PIBF1: variants seen among roughly 807,000 people sequenced by gnomAD.
PIBF1 encodes progesterone-induced-blocking factor 1.
A neutral mutation model predicts 112.5 loss-of-function variants in PIBF1; 90 were observed. The ratio of observed to expected loss-of-function variants is 0.80; its 90% CI spans 0.67 to 0.95. The LOEUF (loss-of-function observed/expected upper bound fraction) is 0.95. PIBF1 is among the 40% of genes least tolerant of loss of function. The pLI is 0.00. For synonymous variants in PIBF1, 301 were observed against 288.6 expected, an observed-to-expected ratio of 1.04 and a Z score of -0.44; for missense variants, 915 against 852.3, an observed-to-expected ratio of 1.07 and a Z score of -0.92.
At chr13:72,911,144 T>C (rs889644724) in intron 12 of PIBF1, among the ~76,000 whole-genome samples, 1 of 151,896 alleles carries the variant, frequency 6.6e-6, no homozygotes, top group Non-Finnish European at 1.5e-5. Context: ...TGCCTGTGAA[T>C]ACCCACTGCA....
chr13:73,015,450 T>G (rs1172987240), intron 17 of PIBF1, among the ~76,000 whole-genome samples: 1 of 152,212 alleles, frequency 6.6e-6, no homozygotes, highest in African/African-American at 2.4e-5. Context: ...TACTTAGAAA[T>G]TCATAAGATC....
At chr13:72,904,429 A>ATTTTTTT (rs1240090172) in intron 11 of PIBF1, among the ~76,000 whole-genome samples, 3 of 51,082 alleles carry the variant, frequency 5.9e-5, no homozygotes, top group East Asian at 6.8e-4. Context: ...ATATCAAAAT[A>ATTTTTTT]TTTCTTTTTT....
chr13:73,009,403 C>T (rs1566544598), intron 17 of PIBF1, among the ~76,000 whole-genome samples: 2 of 152,288 alleles, frequency 1.3e-5, no homozygotes, highest in Non-Finnish European at 2.9e-5. Flanking sequence ...GCCAAAAGGT[C>T]GAGGCGTGAT....
intron 11 of PIBF1, among the ~76,000 whole-genome samples, chr13:72,896,918 C>T (rs2040303269): frequency 6.6e-6 from 1 of 152,098 alleles, no homozygotes; most frequent in South Asian, 2.1e-4. Context: ...TGCTAGAGAC[C>T]TAGACATCCA....
chr13:72,842,316 T>C (rs1190625042), intron 9 of PIBF1, among the ~76,000 whole-genome samples: 1 of 152,246 alleles, frequency 6.6e-6, no homozygotes, highest in Non-Finnish European at 1.5e-5. Context: ...CATGATGCTC[T>C]TGATGCAGTA....
chr13:72,866,651 A>G (rs150054756), intron 10 of PIBF1, among the ~76,000 whole-genome samples: 1 of 152,150 alleles, frequency 6.6e-6, no homozygotes, highest in Non-Finnish European at 1.5e-5. Flanking sequence ...GTAGTTATAC[A>G]TTTTTAACAG....
chr13:72,965,059 C>CA (rs1393807326), intron 14 of PIBF1, among the ~76,000 whole-genome samples: 9 of 148,892 alleles, frequency 6.0e-5, no homozygotes, highest in East Asian at 1.9e-4. Flanking sequence ...GAGACTGTCT[C>CA]AAAAAAAAGA....
intron 5 of PIBF1, among the ~76,000 whole-genome samples, chr13:72,812,598 C>A (rs374422232): frequency 2.0e-5 from 3 of 151,976 alleles, no homozygotes; most frequent in African/African-American, 7.3e-5. Context: ...GCCTGGCCAA[C>A]ATGGTGAAAC....
At chr13:73,001,703 A>G (rs1338347272) in intron 17 of PIBF1, among the ~76,000 whole-genome samples, 1 of 145,718 alleles carries the variant, frequency 6.9e-6, no homozygotes, top group African/African-American at 2.5e-5. Context: ...AGCTTACTGC[A>G]ACCTCTGCCT....
intron 3 of PIBF1, among the ~76,000 whole-genome samples, chr13:72,794,442 A>G (rs1369956724): frequency 6.6e-6 from 1 of 152,130 alleles, no homozygotes; most frequent in African/African-American, 2.4e-5. Flanking sequence ...TGGGATTGAT[A>G]TAGTAGGGAA....
At chr13:72,881,882 T>A (rs1327077700) in intron 10 of PIBF1, among the ~76,000 whole-genome samples, 1 of 152,000 alleles carries the variant, frequency 6.6e-6, no homozygotes, top group Admixed American at 6.6e-5. Context: ...GTCTACAGAT[T>A]CAATGCAATC....
At chr13:72,844,550 A>C (rs2037747353) in intron 9 of PIBF1, among the ~76,000 whole-genome samples, 1 of 151,770 alleles carries the variant, frequency 6.6e-6, no homozygotes, top group Non-Finnish European at 1.5e-5. Flanking sequence ...ATGTGTTCTC[A>C]TTGTTCAACT....
At chr13:72,870,033 T>G (rs1010504482) in intron 10 of PIBF1, among the ~76,000 whole-genome samples, 1 of 152,222 alleles carries the variant, frequency 6.6e-6, no homozygotes, top group Non-Finnish European at 1.5e-5. Context: ...GAATTTTTAA[T>G]TGCAGATACC....
rs1182471663 is a variant in PIBF1 at position 72,975,146 on chromosome 13, TC to T, written c.2049+1473del. 2.6e-5 allele frequency among the ~76,000 whole-genome samples: 4 copies of T among 151,634 alleles called. No individual in the cohort carries two copies. The East Asian group carries it at 7.8e-4, about 29-fold the overall frequency. Reference sequence around the variant, plus strand: ...TCTCGGCTCACGGCAACCTCTGCCTTCCGAGTTCAAGCGAATCTCTTGGCTT... The same window carrying T: ...TCTCGGCTCACGGCAACCTCTGCCTTCGAGTTCAAGCGAATCTCTTGGCTT... On this transcript the variant is annotated intron_variant, in intron 16 of 17. Coordinates refer to ENST00000326291, the MANE Select transcript of PIBF1 (RefSeq NM_006346.4).
intron 11 of PIBF1, among the ~76,000 whole-genome samples, chr13:72,899,788 C>A (rs1356939711): frequency 6.6e-6 from 1 of 152,118 alleles, no homozygotes; most frequent in African/African-American, 2.4e-5. Flanking sequence ...TAAAGGGCAT[C>A]CAAATCAGTA....
At chr13:72,821,155 G>A (rs1191597920) in intron 5 of PIBF1, among the ~76,000 whole-genome samples, 3 of 152,174 alleles carry the variant, frequency 2.0e-5, no homozygotes, top group Non-Finnish European at 2.9e-5. Flanking sequence ...ATCTCCATTA[G>A]GGTTGGAGGG....
intron 2 of PIBF1, among the ~76,000 whole-genome samples, chr13:72,788,255 T>C (rs2034707323): frequency 6.6e-6 from 1 of 152,144 alleles, no homozygotes; most frequent in South Asian, 2.1e-4. Context: ...TTAATAAATA[T>C]TATAGGTATT....
intron 17 of PIBF1, among the ~76,000 whole-genome samples, chr13:73,014,795 G>T (rs1175317981): frequency 1.3e-5 from 2 of 151,798 alleles, no homozygotes; most frequent in African/African-American, 2.4e-5. Flanking sequence ...CTGGGCCCAA[G>T]TGATTTTTTT....
chr13:72,859,115 A>G (rs753475264), intron 10 of PIBF1, among the ~76,000 whole-genome samples: 16 of 152,124 alleles, frequency 1.1e-4, no homozygotes, highest in Non-Finnish European at 1.6e-4. Context: ...CTTAGATATA[A>G]TATATTTTAA....
Sources: gnomAD v4.1 joint callset for allele counts (sites outside exome capture counted in the v4.1 genomes callset) on GRCh38, gnomAD v4.1.1 for gene constraint, MANE v1.5 for transcripts, NCBI Gene and HGNC (gene_info 2026-07-23, HGNC 2026-07-21) for gene names.